ANKS1B: variants seen among roughly 807,000 people sequenced by gnomAD.
The protein encoded by ANKS1B is ankyrin repeat and sterile alpha motif domain-containing protein 1B.
A neutral mutation model predicts 148.3 loss-of-function variants in ANKS1B; 36 were observed. The observed-to-expected ratio is 0.24, with a 90% CI of 0.19 to 0.32. ANKS1B has a LOEUF of 0.32. Ranked by LOEUF, ANKS1B falls within the 10% of genes least tolerant of loss-of-function variation. The pLI is 1.00. For missense variants in ANKS1B, 1,157 were observed against 1,542.6 expected (o/e 0.75, Z 4.19); for synonymous variants, 542 against 560.8 (o/e 0.97, Z 0.47).
intron 10 of ANKS1B, among the ~76,000 whole-genome samples, chr12:99,456,810 G>A (rs765913762): frequency 2.2e-4 from 33 of 152,070 alleles, no homozygotes; most frequent in African/African-American, 5.6e-4. Context: ...TGATGTTCCC[G>A]AGGGAGAATA....
intron 17 of ANKS1B, chr12:98,895,110 C>T: frequency 2.0e-6 from 2 of 984,972 alleles, no homozygotes; most frequent in Non-Finnish European, 2.4e-6. Flanking sequence ...GAGGTGTCGG[C>T]TTGGCCGCCG....
intron 11 of ANKS1B, among the ~76,000 whole-genome samples, chr12:99,433,108 T>C (rs1309957152): frequency 1.3e-5 from 2 of 152,090 alleles, no homozygotes; most frequent in African/African-American, 4.8e-5. Flanking sequence ...GCTCATACAA[T>C]AGTGACAGAT....
chr12:99,929,221 A>C (rs1022524924), intron 1 of ANKS1B, among the ~76,000 whole-genome samples: 1 of 152,214 alleles, frequency 6.6e-6, no homozygotes, highest in Non-Finnish European at 1.5e-5. Flanking sequence ...AAGACTCTTC[A>C]CACAATAACC....
At chr12:99,972,247 C>T (rs2095568463) in intron 1 of ANKS1B, among the ~76,000 whole-genome samples, 1 of 151,992 alleles carries the variant, frequency 6.6e-6, no homozygotes. Context: ...TCACTTTAAA[C>T]GAAAAGCTAG....
chr12:98,798,494 A>T (rs996004345), intron 22 of ANKS1B, among the ~76,000 whole-genome samples: 3 of 151,966 alleles, frequency 2.0e-5, no homozygotes, highest in African/African-American at 4.8e-5. Context: ...AAAAAAATAA[A>T]AAAAAAAAAC....
intron 17 of ANKS1B, among the ~76,000 whole-genome samples, chr12:98,993,281 C>A (rs2099927707): frequency 6.6e-6 from 1 of 152,196 alleles, no homozygotes; most frequent in Admixed American, 6.5e-5. Context: ...GATTCATACA[C>A]CTCAGCCTCC....
At chr12:99,008,573 C>T (rs1447187104) in intron 17 of ANKS1B, among the ~76,000 whole-genome samples, 1 of 152,160 alleles carries the variant, frequency 6.6e-6, no homozygotes, top group African/African-American at 2.4e-5. Flanking sequence ...CCACTCGGGA[C>T]TTTCTTGCAG....
At position 98,967,650 on chromosome 12, in the gene ANKS1B, A is replaced by AGG. The variant is rs1568078773; in HGVS notation, c.2778+85505_2778+85506dup. On this transcript the variant is annotated intron_variant, in intron 17 of 26. Transcript: ENST00000683438. Reference sequence around the variant, plus strand: ...GGTAGAAGAGGGGAGGGGAGGGAAGAGGAGGGGAGAGGAGGGGAGGGGAGG... The same window carrying AGG: ...GGTAGAAGAGGGGAGGGGAGGGAAGAGGGGAGGGGAGAGGAGGGGAGGGGAGG... 3.2e-4 allele frequency among the ~76,000 whole-genome samples: 6 copies of AGG among 18,928 alleles called. No homozygotes were observed. In the African/African-American group the frequency reaches 3.2e-3, roughly 10 times the overall value. The allele number at this position is 18,928 out of a possible 152,430, so 12.4% of individuals were successfully genotyped here.
chr12:98,744,858 T>C lies in ANKS1B; in HGVS notation c.*881A>G. On this transcript the variant is annotated 3_prime_UTR_variant, in exon 27 of 27. Transcript: ENST00000683438. Reference sequence around the variant, plus strand: ...AGATTAAAAAACAATCTTGGCAGGCTGATGGCTGCGTCAGCACTTCCGGGC... The same window carrying C: ...AGATTAAAAAACAATCTTGGCAGGCCGATGGCTGCGTCAGCACTTCCGGGC... 1.0e-6 allele frequency: 1 copy of C among 985,668 alleles called. No individual in the cohort carries two copies. The highest frequency in any genetic ancestry group is 1.2e-6 in the Non-Finnish European group (1 of 829,910). The allele number at this position is 985,668 out of a possible 1,614,324, so 61.1% of individuals were successfully genotyped here.
chr12:99,522,670 G>T (rs933845134), intron 9 of ANKS1B, among the ~76,000 whole-genome samples: 1 of 152,120 alleles, frequency 6.6e-6, no homozygotes, highest in Non-Finnish European at 1.5e-5. Context: ...ATGTGGATTA[G>T]CAATACTATG....
intron 14 of ANKS1B, among the ~76,000 whole-genome samples, chr12:99,243,199 A>T (rs1018804395): frequency 1.3e-5 from 2 of 152,254 alleles, no homozygotes; most frequent in Non-Finnish European, 2.9e-5. Context: ...AAATAATCCC[A>T]TCAAAAAGTG....
intron 9 of ANKS1B, among the ~76,000 whole-genome samples, chr12:99,635,460 G>A (rs1035283774): frequency 2.6e-5 from 4 of 152,090 alleles, no homozygotes; most frequent in African/African-American, 9.7e-5. Context: ...CAACATAGAT[G>A]AATCTTGAGA....
At chr12:99,762,056 A>G (rs185742815) in intron 8 of ANKS1B, among the ~76,000 whole-genome samples, 42 of 152,262 alleles carry the variant, frequency 2.8e-4, no homozygotes, top group African/African-American at 9.9e-4. Flanking sequence ...GATGATACAA[A>G]GAAATGGAAA....
Position 99,718,714 on chromosome 12 carries a change from C to G in ANKS1B, c.1128+54208G>C, listed in dbSNP as rs368919440. Among the ~76,000 whole-genome samples the G allele has an allele frequency of 3.0e-3, 459 of 152,306 alleles. 1 individual carries two copies. Among genetic ancestry groups the G allele is most frequent in the Middle Eastern group, 0.014 (4 of 294 alleles). On this transcript the variant is annotated intron_variant, in intron 8 of 26. Coordinates refer to ENST00000683438, the MANE Select transcript of ANKS1B (RefSeq NM_001352186.2). ...ATATACTCTCCTATCTTCAATACCT[C>G]CCTCAACAACCCATTATTCTGTTCT...
Position 99,927,248 on chromosome 12 carries a change from A to G in ANKS1B, c.134+56856T>C, listed in dbSNP as rs537724347. ...CCCTGTCTTTCCCTGACCCCTTTAC[A>G]GTAGTCAATAAATTCCCTTTTGGCC... On this transcript the variant is annotated intron_variant, in intron 1 of 26. Coordinates refer to ENST00000683438, the MANE Select transcript of ANKS1B (RefSeq NM_001352186.2). Among the ~76,000 whole-genome samples, 9 of 152,296 alleles carry G rather than the reference A, an allele frequency of 5.9e-5. No individual in the cohort carries two copies. In the South Asian group the frequency reaches 1.7e-3, roughly 28 times the overall value.
chr12:99,890,483 G>A (rs1418752807), intron 1 of ANKS1B, among the ~76,000 whole-genome samples: 1 of 151,908 alleles, frequency 6.6e-6, no homozygotes, highest in African/African-American at 2.4e-5. Flanking sequence ...CAGGCTCCCA[G>A]CTTGCCTTAC....
chr12:99,232,961 C>T (rs537231074), intron 14 of ANKS1B, among the ~76,000 whole-genome samples: 3 of 152,092 alleles, frequency 2.0e-5, no homozygotes, highest in African/African-American at 7.2e-5. Flanking sequence ...GCTCCCAAAT[C>T]TAATTTTTTG....
intron 15 of ANKS1B, among the ~76,000 whole-genome samples, chr12:99,100,640 C>T (rs1280536105): frequency 6.6e-6 from 1 of 152,222 alleles, no homozygotes; most frequent in Non-Finnish European, 1.5e-5. Flanking sequence ...AGTGATTCTC[C>T]TGCTTCAGCC....
intron 11 of ANKS1B, among the ~76,000 whole-genome samples, chr12:99,443,176 C>T (rs955344655): frequency 2.6e-5 from 4 of 151,812 alleles, no homozygotes; most frequent in Admixed American, 6.6e-5. Flanking sequence ...AGCTAGAGGA[C>T]TGGGAACACT....
Sources: allele counts gnomAD v4.1 joint callset (sites outside exome capture counted in the v4.1 genomes callset), GRCh38; gene constraint gnomAD v4.1.1; transcripts MANE v1.5; gene names NCBI Gene and HGNC (gene_info 2026-07-23, HGNC 2026-07-21).